WDR19: variants seen among roughly 807,000 people sequenced by gnomAD.
WDR19 encodes the protein WD repeat domain 19, also known as WD repeat-containing protein 19.
A neutral mutation model predicts 180.0 loss-of-function variants in WDR19; 121 were observed. That is an observed-to-expected ratio of 0.67 (90% confidence interval 0.58 to 0.78). The LOEUF is 0.78. Among genes scored for constraint, WDR19 ranks in the 30% least tolerant of loss-of-function variants. The pLI is 0.00. For synonymous variants in WDR19, 497 were observed against 540.7 expected, an observed-to-expected ratio of 0.92 and a Z score of 1.12; for missense variants, 1,450 against 1,640.7, an observed-to-expected ratio of 0.88 and a Z score of 2.01.
intron 14 of WDR19, among the ~76,000 whole-genome samples, chr4:39,222,480 T>A (rs1729801415): frequency 6.6e-6 from 1 of 152,194 alleles, no homozygotes; most frequent in Non-Finnish European, 1.5e-5. Context: ...AGCTAAGAAA[T>A]CTTTGCCTAA....
chr4:39,281,234 T>TAG (rs1189043858), intron 36 of WDR19, among the ~76,000 whole-genome samples: 5,749 of 108,194 alleles, frequency 0.053, 186 homozygotes, highest in Non-Finnish European at 0.067. Flanking sequence ...TATATATATA[T>TAG]ATAGAGAGAG....
At chr4:39,221,104 A>C (rs568928515) in intron 14 of WDR19, among the ~76,000 whole-genome samples, 5 of 152,160 alleles carry the variant, frequency 3.3e-5, no homozygotes, top group Admixed American at 1.3e-4. Context: ...TGTTTGACCT[A>C]AACTAGTAAG....
chr4:39,269,674 T>C (rs1735153195), intron 30 of WDR19, among the ~76,000 whole-genome samples: 1 of 152,136 alleles, frequency 6.6e-6, no homozygotes. Context: ...GGTGAAAACC[T>C]TGTCTCTACA....
At chr4:39,247,137 G>C (rs1040342930) in intron 24 of WDR19, among the ~76,000 whole-genome samples, 1 of 152,128 alleles carries the variant, frequency 6.6e-6, no homozygotes, top group African/African-American at 2.4e-5. Context: ...CACGGGGCTG[G>C]GTACTCCTCT....
chr4:39,246,711 G>A (rs1226033723), intron 24 of WDR19, among the ~76,000 whole-genome samples: 1 of 152,212 alleles, frequency 6.6e-6, no homozygotes, highest in African/African-American at 2.4e-5. Context: ...ATTATATCCT[G>A]CACCTGACTC....
chr4:39,267,871 G>A, intron 29 of WDR19, 124 bp from the exon 30 acceptor site: 1 of 871,346 alleles, frequency 1.1e-6, no homozygotes, highest in Non-Finnish European at 1.8e-6. Context: ...TATTCATTGA[G>A]TTTTTAAAGC....
intron 4 of WDR19, among the ~76,000 whole-genome samples, chr4:39,190,672 C>T (rs1208466051): frequency 6.6e-6 from 1 of 152,214 alleles, no homozygotes; most frequent in African/African-American, 2.4e-5. Context: ...TCATGTAGCG[C>T]AGGATCAGAT....
intron 7 of WDR19, among the ~76,000 whole-genome samples, chr4:39,204,843 G>A (rs1414495372): frequency 6.6e-6 from 1 of 152,120 alleles, no homozygotes; most frequent in South Asian, 2.1e-4. Context: ...ATTTGCAGTG[G>A]AACTGTCAGA....
At chr4:39,264,793 A>G (rs1734621018) in intron 28 of WDR19, among the ~76,000 whole-genome samples, 1 of 151,974 alleles carries the variant, frequency 6.6e-6, no homozygotes, top group African/African-American at 2.4e-5. Flanking sequence ...GCCTCCCCTA[A>G]ATTCCTGACC....
chr4:39,203,754 C>T, intron 7 of WDR19, 32 bp downstream of exon 7: 2 of 1,567,404 alleles, frequency 1.3e-6, no homozygotes, highest in Non-Finnish European at 1.7e-6. Context: ...ACGTGCAAAT[C>T]ATTTGGGTAA....
chr4:39,230,677 C>A (rs542870967), intron 17 of WDR19, among the ~76,000 whole-genome samples: 3 of 152,250 alleles, frequency 2.0e-5, no homozygotes, highest in Non-Finnish European at 4.4e-5. Context: ...TTCCACCTTC[C>A]CCAATTGTGA....
intron 28 of WDR19, among the ~76,000 whole-genome samples, chr4:39,260,476 T>C (rs1734182424): frequency 6.6e-6 from 1 of 151,750 alleles, no homozygotes; most frequent in African/African-American, 2.4e-5. Flanking sequence ...GTAGCTGAGA[T>C]TACAGGTGTG....
intron 36 of WDR19, among the ~76,000 whole-genome samples, chr4:39,280,129 T>G (rs982333689): frequency 7.1e-5 from 8 of 112,300 alleles, no homozygotes; most frequent in African/African-American, 1.9e-4. Flanking sequence ...GTTTTTTTTT[T>G]TTTTTTTTTT....
intron 1 of WDR19, among the ~76,000 whole-genome samples, chr4:39,183,394 C>T (rs552985065): frequency 6.6e-6 from 1 of 151,810 alleles, no homozygotes; most frequent in East Asian, 1.9e-4. Flanking sequence ...GGACTACAGG[C>T]GCGTGCCACC....
At chr4:39,241,903 G>T (rs1484273802) in intron 21 of WDR19, among the ~76,000 whole-genome samples, 11 of 149,566 alleles carry the variant, frequency 7.4e-5, no homozygotes, top group Non-Finnish European at 4.4e-5. Context: ...TTTTCTTCCA[G>T]AAGCTCTTCT....
At chr4:39,283,551 T>TA (rs1736801476) in intron 36 of WDR19, among the ~76,000 whole-genome samples, 1 of 152,176 alleles carries the variant, frequency 6.6e-6, no homozygotes, top group African/African-American at 2.4e-5. Flanking sequence ...ATTGACTTTT[T>TA]ACCTATGTTT....
chr4:39,186,730 T>C, intron 3 of WDR19, 126 bp downstream of exon 3: 2 of 638,730 alleles, frequency 3.1e-6, no homozygotes, highest in Non-Finnish European at 5.1e-6. Flanking sequence ...GGGATTTGTT[T>C]TTTTAGCCAT....
At chr4:39,266,210 C>A in intron 29 of WDR19, 70 bp downstream of exon 29, 3 of 1,372,174 alleles carry the variant, frequency 2.2e-6, no homozygotes, top group South Asian at 1.5e-5. Context: ...TGTTTTTACC[C>A]ATCATGCTTT....
At chr4:39,232,127 A>AT (rs760544707) in intron 18 of WDR19, 35 bp from the exon 19 acceptor site, 31 of 1,563,752 alleles carry the variant, frequency 2.0e-5, no homozygotes, top group African/African-American at 1.5e-4. Flanking sequence ...AAACTCTTGC[A>AT]TTTTTTTTCT....
Sources: allele counts gnomAD v4.1 joint callset (sites outside exome capture counted in the v4.1 genomes callset), GRCh38; gene constraint gnomAD v4.1.1; transcripts MANE v1.5; gene names NCBI Gene and HGNC (gene_info 2026-07-23, HGNC 2026-07-21).